Variants in MST1R observed in about 807,000 individuals in gnomAD.
MST1R encodes the protein macrophage stimulating 1 receptor.
MST1R carries 99 observed loss-of-function variants against 117.8 expected under a neutral mutation model. That is an observed-to-expected ratio of 0.84 (90% CI 0.71 to 0.99). The LOEUF (loss-of-function observed/expected upper bound fraction) is 0.99, where lower values mean the gene tolerates loss of function less well. Among genes scored for constraint, MST1R ranks in the 50% least tolerant of loss-of-function variants. The pLI is 0.00. For synonymous variants in MST1R, 734 were observed against 765.3 expected (o/e 0.96, Z 0.68); for missense variants, 1,683 against 1,840.2 (o/e 0.91, Z 1.56).
chr3:49,896,893 A>G lies in MST1R; in HGVS notation c.2184-3T>C. 1 of 1,499,958 alleles carries G rather than the reference A, an allele frequency of 6.7e-7. No individual in the cohort carries two copies. The highest frequency in any genetic ancestry group is 8.9e-7 in the Non-Finnish European group (1 of 1,122,084). 92.9% of individuals were successfully genotyped at this position (1,499,958 alleles called of 1,614,324 possible). ...ATAAAAGCTGCCCCTCACTGACCCT[A>G]CAGGAACAAGAGATTGGGCTCAAGG... On this transcript the variant is annotated splice_polypyrimidine_tract_variant and splice_region_variant and intron_variant, in intron 7 of 19. Coordinates refer to ENST00000296474, the MANE Select transcript of MST1R (RefSeq NM_002447.4).
chr3:49,887,662 G>T, intron 19 of MST1R, 100 bp from the exon 20 acceptor site: 2 of 1,357,624 alleles, frequency 1.5e-6, no homozygotes, highest in Non-Finnish European at 2.0e-6. Flanking sequence ...CAGGGATGAG[G>T]ATAGATGACA....
In MST1R at chr3:49,896,645, G is replaced by C. The variant is rs2082482391; in HGVS notation, c.2346-12C>G. The C allele has an allele frequency of 6.2e-7, 1 of 1,613,650 alleles. No homozygotes were observed. The highest frequency in any genetic ancestry group is 1.3e-5 in the African/African-American group (1 of 74,910). ...TGATGTGGGAGTTGCTGTGGAAGAGGGTAGGGTGGTAGGCTTTGGGTGTTC... is the reference window on the plus strand; with the variant it reads ...TGATGTGGGAGTTGCTGTGGAAGAGCGTAGGGTGGTAGGCTTTGGGTGTTC... On this transcript the variant is annotated splice_polypyrimidine_tract_variant and intron_variant, in intron 8 of 19. Transcript: ENST00000296474.
rs2082708198 is a variant in MST1R, at chr3:49,902,379, C to T, written c.1230+1G>A. ...AGTAAGGGCCCCTTCTTTCAGCTTA[C>T]CGGGTTGGGGCAAAAACTGGGCGAC... On this transcript the variant is annotated splice_donor_variant, in intron 1 of 19. Coordinates refer to ENST00000296474, the MANE Select transcript of MST1R (RefSeq NM_002447.4). LOFTEE classifies it high-confidence loss of function. The T allele has an allele frequency of 6.2e-7, 1 of 1,612,258 alleles. No individual in the cohort carries two copies. The highest frequency in any genetic ancestry group is 1.3e-5 in the African/African-American group (1 of 74,880).
intron 1 of MST1R, 69 bp downstream of exon 1, chr3:49,902,311 G>C: frequency 6.5e-7 from 1 of 1,545,034 alleles, no homozygotes; most frequent in Admixed American, 1.9e-5. Flanking sequence ...CTCAGTGATG[G>C]AAGGGAAGCA....
intron 19 of MST1R, among the ~76,000 whole-genome samples, chr3:49,888,642 C>T (rs561948775): frequency 1.3e-5 from 2 of 151,832 alleles, no homozygotes; most frequent in Non-Finnish European, 2.9e-5. Context: ...GCATTTGGGG[C>T]AGCACCAGTG....
intron 19 of MST1R, 87 bp downstream of exon 19, chr3:49,889,837 C>T (rs1236648112): frequency 6.5e-7 from 1 of 1,536,592 alleles, no homozygotes; most frequent in African/African-American, 1.4e-5. Context: ...GAAGTTCAGT[C>T]AGGAAGCCAG....
chr3:49,890,026 G>T lies in MST1R; in HGVS notation c.3845C>A (p.Thr1282Lys), dbSNP rs369707898. ...SFGVLLWELL[T>K]RGAPPYRHID... ...GTGGCGGTATGGTGGGGCACCCCGT[G>T]TCAGCAGTTCCCACAGCAGCACACC... The change falls in exon 19 of 20, where the codon ACA becomes AAA. Residue 1282 changes from threonine to lysine, a missense_variant. Coordinates refer to ENST00000296474, the MANE Select transcript of MST1R (RefSeq NM_002447.4). The T allele has an allele frequency of 1.0e-4, 166 of 1,612,566 alleles. No individual in the cohort carries two copies. Among genetic ancestry groups the T allele is most frequent in the Non-Finnish European group, 1.3e-4 (154 of 1,179,254 alleles).
rs777459170 is a variant in MST1R, at chr3:49,898,859, C to T, written c.1548+8G>A. ...CCTGGCCCCAGGCCCTGCCCCTGCCCACCTCACCTGGTCCCCAGAGGCAAA... is the reference window on the plus strand; with the variant it reads ...CCTGGCCCCAGGCCCTGCCCCTGCCTACCTCACCTGGTCCCCAGAGGCAAA... On this transcript the variant is annotated splice_region_variant and intron_variant, in intron 3 of 19. Transcript: ENST00000296474. 1.2e-6 allele frequency: 2 copies of T among 1,613,984 alleles called. No homozygotes were observed. The highest frequency in any genetic ancestry group is 1.1e-5 in the South Asian group (1 of 91,052).
In MST1R at chr3:49,895,816, G is replaced by A. The variant is rs1257164528; in HGVS notation, c.2861C>T (p.Pro954Leu). The change falls in exon 12 of 20, where the codon CCA becomes CTA. Residue 954 changes from proline (P) to leucine (L), a missense_variant. Coordinates refer to ENST00000296474, the MANE Select transcript of MST1R (RefSeq NM_002447.4). Reference protein sequence around the residue: ...RVVRPGPDGVPQSTLLGILLP... With the variant: ...RVVRPGPDGVLQSTLLGILLP... ...CAGGATACCAAGGAGCGTGCTCTGT[G>A]GGACCCCATCTGGCCCTGGCCGCAC... 6.2e-7 allele frequency: 1 copy of A among 1,613,972 alleles called. No homozygotes were observed. The highest frequency in any genetic ancestry group is 1.7e-5 in the Admixed American group (1 of 60,006).
At chr3:49,894,895 G>A (rs981709365) in intron 14 of MST1R, among the ~76,000 whole-genome samples, 1 of 151,496 alleles carries the variant, frequency 6.6e-6, no homozygotes, top group Non-Finnish European at 1.5e-5. Context: ...TGCAAGCTCC[G>A]CCTCCCGAGT....
intron 14 of MST1R, among the ~76,000 whole-genome samples, chr3:49,892,321 C>T (rs1465795216): frequency 2.0e-5 from 3 of 151,738 alleles, no homozygotes; most frequent in Non-Finnish European, 4.4e-5. Flanking sequence ...ACCTGTAATG[C>T]CAGCACTTTG....
At chr3:49,901,580 A>C (rs2082678040) in intron 1 of MST1R, among the ~76,000 whole-genome samples, 1 of 152,064 alleles carries the variant, frequency 6.6e-6, no homozygotes, top group Admixed American at 6.5e-5. Flanking sequence ...CTTGCACAAG[A>C]CTAGAGTGAG....
intron 14 of MST1R, among the ~76,000 whole-genome samples, chr3:49,892,266 A>G (rs762662783): frequency 6.6e-6 from 1 of 150,600 alleles, no homozygotes; most frequent in Non-Finnish European, 1.5e-5. Flanking sequence ...ACCCGGCCCA[A>G]TCTGACATTT....
Position 49,903,073 on chromosome 3 carries a change from G to C in MST1R, c.537C>G (p.Ala179=). Reference sequence around the variant, plus strand: ...CAGTTACACGGGTGCCCAATGGGCTGGCCACACAGTCGGGGCAGTCATCGG... The same window carrying C: ...CAGTTACACGGGTGCCCAATGGGCTCGCCACACAGTCGGGGCAGTCATCGG... ...NRPDDCPDCV[A]SPLGTRVTVV... is the part of the protein sequence containing the mutation. The change falls in exon 1 of 20, where the codon GCC becomes GCG. Residue 179 remains alanine, a synonymous_variant. Transcript: ENST00000296474. The C allele has an allele frequency of 1.2e-6, 2 of 1,609,236 alleles. No homozygotes were observed. The highest frequency in any genetic ancestry group is 1.7e-6 in the Non-Finnish European group (2 of 1,180,020).
In MST1R at chr3:49,896,334, C is replaced by T. The variant is rs2082471024; in HGVS notation, c.2510G>A (p.Trp837Ter). 1 of 1,614,024 alleles carries T rather than the reference C, an allele frequency of 6.2e-7. No homozygotes were observed. The highest frequency in any genetic ancestry group is 1.3e-5 in the African/African-American group (1 of 74,940). Residue 837 changes from tryptophan (W) to a stop codon, truncating the protein, a stop_gained, in exon 10 of 20, where the codon TGG becomes TAG. Transcript: ENST00000296474. LOFTEE classifies it high-confidence loss of function. ...PEYVVRDPQG[W>*]VAGNLSARGD... ...TCGGGCACTCAGATTCCCTGCCACC[C>T]ATCCCTGGGGGTCTCGGACCACATA...
rs546605779 is a variant in MST1R, at chr3:49,902,845, C to G, written c.765G>C (p.Thr255=). The G allele has an allele frequency of 1.2e-6, 2 of 1,613,520 alleles. No individual in the cohort carries two copies. Among genetic ancestry groups the G allele is most frequent in the African/African-American group, 2.7e-5 (2 of 74,940 alleles). Residue 255 remains threonine (T), a synonymous_variant, in exon 1 of 20, where the codon ACG becomes ACC. Coordinates refer to ENST00000296474, the MANE Select transcript of MST1R (RefSeq NM_002447.4). Reference sequence around the variant, plus strand: ...CAGTCAGGAAGTATACGAAGGCTCCCGTGTGGAAGCTGTGCACGTATTCAA... The same window carrying G: ...CAGTCAGGAAGTATACGAAGGCTCCGGTGTGGAAGCTGTGCACGTATTCAA... ...YSIEYVHSFH[T]GAFVYFLTVQ...
At chr3:49,898,419 C>T in intron 4 of MST1R, 99 bp downstream of exon 4, 2 of 1,467,278 alleles carry the variant, frequency 1.4e-6, no homozygotes, top group South Asian at 1.3e-5. Context: ...ATGAAGGACA[C>T]CCCCCAGACC....
intron 1 of MST1R, 35 bp downstream of exon 1, chr3:49,902,345 C>T (rs748257208): frequency 3.8e-6 from 6 of 1,594,670 alleles, no homozygotes; most frequent in African/African-American, 1.3e-5. Flanking sequence ...CATGTGCATG[C>T]AGCTCACAAG....
Position 49,902,514 on chromosome 3 carries a change from C to A in MST1R, c.1096G>T (p.Val366Phe). ...AGCAGGTCAATGGGGAAGGCACAGA[C>A]GACAGAGTTGGGGCCCACGCCAGGA... ...GGPGVGPNSV[V>F]CAFPIDLLDT... Residue 366 changes from valine to phenylalanine, a missense_variant, in exon 1 of 20, where the codon GTC (valine) becomes TTC (phenylalanine). By Grantham distance (50) the Val-to-Phe change is conservative. Coordinates refer to ENST00000296474, the MANE Select transcript of MST1R (RefSeq NM_002447.4). 1 of 1,614,136 alleles carries A rather than the reference C, an allele frequency of 6.2e-7. No homozygotes were observed. The highest frequency in any genetic ancestry group is 2.2e-5 in the East Asian group (1 of 44,888).
Sources: gnomAD v4.1 joint callset for allele counts (sites outside exome capture counted in the v4.1 genomes callset) on GRCh38, gnomAD v4.1.1 for gene constraint, MANE v1.5 for transcripts, NCBI Gene and HGNC (gene_info 2026-07-23, HGNC 2026-07-21) for gene names.